Variants in STK32A observed in about 807,000 individuals in gnomAD.
STK32A encodes serine/threonine kinase 32A.
STK32A carries 41 observed loss-of-function variants against 53.2 expected under a neutral mutation model. The ratio of observed to expected loss-of-function variants is 0.77; its 90% confidence interval spans 0.60 to 1.00. The LOEUF is 1.00. Ranked by LOEUF, STK32A falls within the 50% of genes least tolerant of loss-of-function variation. STK32A has a pLI of 0.00. For synonymous variants in STK32A, 166 were observed against 162.8 expected (o/e 1.02, Z -0.15); for missense variants, 458 against 485.8 (o/e 0.94, Z 0.54).
intron 4 of STK32A, among the ~76,000 whole-genome samples, chr5:147,287,537 C>G (rs558306822): frequency 6.6e-6 from 1 of 152,270 alleles, no homozygotes; most frequent in South Asian, 2.1e-4. Context: ...CTCAAAGCCT[C>G]TATGCCACAG....
At chr5:147,337,956 C>T (rs537259526) in intron 5 of STK32A, among the ~76,000 whole-genome samples, 69 of 152,066 alleles carry the variant, frequency 4.5e-4, no homozygotes, top group South Asian at 4.2e-3. Context: ...TGGTGTGGGA[C>T]GGATGAAAAG....
chr5:147,338,281 C>T (rs1214616365), intron 5 of STK32A, among the ~76,000 whole-genome samples: 4 of 152,066 alleles, frequency 2.6e-5, no homozygotes, highest in Non-Finnish European at 5.9e-5. Flanking sequence ...GGGCAATTCC[C>T]CTGCACATGG....
chr5:147,352,572 A>T (rs2151994141), intron 7 of STK32A, among the ~76,000 whole-genome samples: 1 of 152,312 alleles, frequency 6.6e-6, no homozygotes, highest in South Asian at 2.1e-4. Context: ...ATTCAGAAAG[A>T]GGGAGTTCTC....
At chr5:147,252,172 A>G (rs1754029124) in intron 2 of STK32A, among the ~76,000 whole-genome samples, 1 of 152,138 alleles carries the variant, frequency 6.6e-6, no homozygotes, top group South Asian at 2.1e-4. Flanking sequence ...AATTTATTTC[A>G]TCATCATTGT....
intron 3 of STK32A, among the ~76,000 whole-genome samples, 197 bp downstream of exon 3, chr5:147,278,376 A>G (rs1470555809): frequency 1.3e-5 from 2 of 152,238 alleles, no homozygotes; most frequent in African/African-American, 2.4e-5. Flanking sequence ...CATAATGAAC[A>G]TATACTGTTG....
chr5:147,247,549 C>T lies in STK32A; in HGVS notation c.52+7863C>T, dbSNP rs535825270. On this transcript the variant is annotated intron_variant, in intron 2 of 12. Coordinates refer to ENST00000397936, the MANE Select transcript of STK32A (RefSeq NM_001112724.2). ...TTGTTTTACACTTGAGTAACCTATA[C>T]CTTTGGTTATTTACGAGAATTACTT... 3.9e-5 allele frequency among the ~76,000 whole-genome samples: 6 copies of T among 152,222 alleles called. No homozygotes were observed. The South Asian group carries it at 8.3e-4, about 21-fold the overall frequency.
At chr5:147,256,259 G>A (rs1159085111) in intron 2 of STK32A, among the ~76,000 whole-genome samples, 1 of 152,222 alleles carries the variant, frequency 6.6e-6, no homozygotes, top group Non-Finnish European at 1.5e-5. Flanking sequence ...ACAGAAGCTG[G>A]ATGGCCCTTG....
At chr5:147,317,550 C>T (rs1455967254) in intron 4 of STK32A, among the ~76,000 whole-genome samples, 5 of 152,008 alleles carry the variant, frequency 3.3e-5, no homozygotes, top group South Asian at 2.1e-4. Flanking sequence ...TGGTCTCAAA[C>T]TCCTGACCTC....
chr5:147,238,670 T>C (rs544296922), intron 1 of STK32A, among the ~76,000 whole-genome samples: 3 of 152,294 alleles, frequency 2.0e-5, no homozygotes, highest in South Asian at 2.1e-4. Flanking sequence ...TCAATACATA[T>C]ATATAAATGT....
At chr5:147,379,237 G>A (rs930795289) in intron 11 of STK32A, among the ~76,000 whole-genome samples, 1 of 151,668 alleles carries the variant, frequency 6.6e-6, no homozygotes, top group Non-Finnish European at 1.5e-5. Flanking sequence ...TGTTGTTGGT[G>A]TATAGGAATG....
At chr5:147,304,059 G>T (rs1484876790) in intron 4 of STK32A, among the ~76,000 whole-genome samples, 1 of 152,198 alleles carries the variant, frequency 6.6e-6, no homozygotes, top group African/African-American at 2.4e-5. Flanking sequence ...CAGAAGCACA[G>T]CTGAAGTAGC....
At chr5:147,400,290 A>C in the STK32A span, among the ~76,000 whole-genome samples, 1 of 152,202 alleles carries the variant, frequency 6.6e-6, no homozygotes, top group Non-Finnish European at 1.5e-5. Context: ...CTTGATAAGC[A>C]AGATGACTTT....
the STK32A span, among the ~76,000 whole-genome samples, chr5:147,394,643 A>G: frequency 6.6e-6 from 1 of 151,996 alleles, no homozygotes. Flanking sequence ...AGGAGCCTCT[A>G]AAAGCTTAAG....
At position 147,323,988 on chromosome 5, in the gene STK32A, C is replaced by G. The variant is rs908171679; in HGVS notation, c.351C>G (p.His117Gln). ...GTTATCACCTGCAACAGAACGTCCA[C>G]TTCAAGGAAGAAACAGTGAAGCTCT... ...DLRYHLQQNV[H>Q]FKEETVKLFI... The change falls in exon 5 of 13, where the codon CAC becomes CAG. Residue 117 changes from histidine to glutamine, a missense_variant. Coordinates refer to ENST00000397936, the MANE Select transcript of STK32A (RefSeq NM_001112724.2). 3.1e-6 allele frequency: 5 copies of G among 1,612,622 alleles called. No individual in the cohort carries two copies. The highest frequency in any genetic ancestry group is 1.3e-5 in the African/African-American group (1 of 74,924).
At chr5:147,313,193 C>T (rs2151972251) in intron 4 of STK32A, among the ~76,000 whole-genome samples, 1 of 152,180 alleles carries the variant, frequency 6.6e-6, no homozygotes, top group East Asian at 1.9e-4. Flanking sequence ...TATGAATATG[C>T]CACAGCACTC....
In STK32A at chr5:147,279,403, G is replaced by C; in HGVS notation, c.260+5G>C. 6.4e-7 allele frequency: 1 copy of C among 1,568,072 alleles called. No individual in the cohort carries two copies. The highest frequency in any genetic ancestry group is 8.7e-7 in the Non-Finnish European group (1 of 1,156,028). ...CCCTTTCCTGGTTAATTTGTGGTGA[G>C]TAATTTTACTGGACCTCTGAATAGA... On this transcript the variant is annotated splice_donor_5th_base_variant and intron_variant, in intron 4 of 12. Coordinates refer to ENST00000397936, the MANE Select transcript of STK32A (RefSeq NM_001112724.2).
chr5:147,354,751 GCT>G (rs1270153446), intron 7 of STK32A, among the ~76,000 whole-genome samples: 2 of 152,146 alleles, frequency 1.3e-5, no homozygotes, highest in Non-Finnish European at 2.9e-5. Context: ...TTTAAATCAA[GCT>G]CTGTCTGATT....
At chr5:147,312,980 C>A (rs774831648) in intron 4 of STK32A, among the ~76,000 whole-genome samples, 1 of 151,026 alleles carries the variant, frequency 6.6e-6, no homozygotes, top group Non-Finnish European at 1.5e-5. Flanking sequence ...GTGGCTCACA[C>A]CTGTAACCAC....
At chr5:147,317,937 C>T (rs993640279) in intron 4 of STK32A, among the ~76,000 whole-genome samples, 7 of 152,050 alleles carry the variant, frequency 4.6e-5, no homozygotes, top group African/African-American at 7.2e-5. Flanking sequence ...TTAGATATAT[C>T]AGAGTAGAAG....
Sources: allele counts gnomAD v4.1 joint callset (sites outside exome capture counted in the v4.1 genomes callset), GRCh38; gene constraint gnomAD v4.1.1; transcripts MANE v1.5; gene names NCBI Gene and HGNC (gene_info 2026-07-23, HGNC 2026-07-21).